IL1RAPL2: variants seen among roughly 807,000 people sequenced by gnomAD.
IL1RAPL2 encodes X-linked interleukin-1 receptor accessory protein-like 2.
IL1RAPL2 carries 3 observed loss-of-function variants against 44.1 expected under a neutral mutation model. The ratio of observed to expected loss-of-function variants is 0.07; its 90% CI spans 0.03 to 0.18. The LOEUF (loss-of-function observed/expected upper bound fraction) is 0.18, where lower values mean the gene tolerates loss of function less well. Ranked by LOEUF, IL1RAPL2 falls within the 10% of genes least tolerant of loss-of-function variation. IL1RAPL2 has a pLI of 1.00. For synonymous variants in IL1RAPL2, 181 were observed against 178.8 expected (o/e 1.01, Z -0.10); for missense variants, 391 against 496.4 (o/e 0.79, Z 2.02).
At chrX:104,578,846 CAAA>C (rs1019308949) in intron 1 of IL1RAPL2, among the ~76,000 whole-genome samples, 7 of 111,024 alleles carry the variant, frequency 6.3e-5, no homozygotes, top group Admixed American at 3.9e-4. Flanking sequence ...GCAGGAAAAA[CAAA>C]AAGTTCAAGA....
chrX:105,035,230 G>A (rs1047447460), intron 2 of IL1RAPL2, among the ~76,000 whole-genome samples: 4 of 111,474 alleles, frequency 3.6e-5, no homozygotes, highest in African/African-American at 9.8e-5. Context: ...GCTCACGCAC[G>A]GTGCACTGCA....
intron 1 of IL1RAPL2, among the ~76,000 whole-genome samples, chrX:104,582,749 C>CTTCTTTCT (rs373027468): frequency 2.2e-4 from 18 of 80,986 alleles, no homozygotes; most frequent in African/African-American, 8.6e-4. Context: ...TCCTTCCTTC[C>CTTCTTTCT]TTCTTTCTTT....
At chrX:105,546,291 G>A (rs1230675382) in intron 6 of IL1RAPL2, among the ~76,000 whole-genome samples, 1 of 111,437 alleles carries the variant, frequency 9.0e-6, no homozygotes, top group African/African-American at 3.3e-5. Flanking sequence ...TCCTTCATTC[G>A]GGTAATTTCT....
At chrX:105,107,992 C>G (rs1054121418) in intron 2 of IL1RAPL2, among the ~76,000 whole-genome samples, 1 of 110,841 alleles carries the variant, frequency 9.0e-6, no homozygotes, top group Non-Finnish European at 1.9e-5. Flanking sequence ...CTTTTTGAGC[C>G]CTTCTTCTAT....
At chrX:105,588,224 A>G (rs1171876275) in intron 6 of IL1RAPL2, among the ~76,000 whole-genome samples, 2 of 110,932 alleles carry the variant, frequency 1.8e-5, no homozygotes, top group Non-Finnish European at 3.8e-5. Context: ...AGTTTCTGCA[A>G]GATGTTACCA....
At chrX:104,862,207 G>C (rs1343119351) in intron 2 of IL1RAPL2, among the ~76,000 whole-genome samples, 7 of 111,102 alleles carry the variant, frequency 6.3e-5, no homozygotes. Flanking sequence ...TCACATTAAA[G>C]ATCTGAACTT....
chrX:105,033,399 G>C (rs1179619897), intron 2 of IL1RAPL2, among the ~76,000 whole-genome samples: 1 of 111,535 alleles, frequency 9.0e-6, no homozygotes, highest in African/African-American at 3.3e-5. Context: ...TCCTTCAGGA[G>C]CTCTTTTAGG....
intron 2 of IL1RAPL2, among the ~76,000 whole-genome samples, chrX:104,675,519 G>T (rs1252673491): frequency 3.6e-5 from 4 of 110,985 alleles, no homozygotes; most frequent in Admixed American, 2.9e-4. Context: ...TTACTTCCAA[G>T]TATGTGGTCA....
intron 2 of IL1RAPL2, among the ~76,000 whole-genome samples, chrX:105,147,172 A>G (rs774740922): frequency 5.4e-5 from 6 of 111,627 alleles, no homozygotes; most frequent in African/African-American, 2.0e-4. Flanking sequence ...AAAACAACTC[A>G]GAGACATAGT....
intron 3 of IL1RAPL2, chrX:105,219,997 G>T: frequency 2.5e-6 from 3 of 1,209,690 alleles, no homozygotes; most frequent in Non-Finnish European, 3.4e-6. Flanking sequence ...CACGAGGCTG[G>T]TCTGGGCCAT....
chrX:105,113,345 C>A (rs758109316), intron 2 of IL1RAPL2, among the ~76,000 whole-genome samples: 1 of 112,530 alleles, frequency 8.9e-6, no homozygotes, highest in South Asian at 3.7e-4. Flanking sequence ...TCTCTGCTCA[C>A]TTCCTGTACT....
chrX:104,610,876 C>T (rs1212851081), intron 1 of IL1RAPL2, among the ~76,000 whole-genome samples: 1 of 111,991 alleles, frequency 8.9e-6, no homozygotes, highest in African/African-American at 3.2e-5. Flanking sequence ...TAACTTCAAA[C>T]TATACTACAA....
intron 2 of IL1RAPL2, among the ~76,000 whole-genome samples, chrX:104,674,971 TATTTG>T (rs1421125847): frequency 9.0e-6 from 1 of 111,504 alleles, no homozygotes; most frequent in Non-Finnish European, 1.9e-5. Flanking sequence ...TTATTGCGTC[TATTTG>T]ATTCTTCTCT....
chrX:104,663,462 C>G (rs1930437258), intron 2 of IL1RAPL2, among the ~76,000 whole-genome samples: 1 of 110,998 alleles, frequency 9.0e-6, no homozygotes, highest in Admixed American at 9.7e-5. Flanking sequence ...GATATTCACA[C>G]TGTGCTTTTA....
At chrX:105,513,454 C>T (rs757537208) in intron 6 of IL1RAPL2, among the ~76,000 whole-genome samples, 4 of 111,480 alleles carry the variant, frequency 3.6e-5, no homozygotes, top group Non-Finnish European at 5.7e-5. Context: ...TTTTAATGAT[C>T]GGCATTCTAA....
intron 1 of IL1RAPL2, among the ~76,000 whole-genome samples, chrX:104,650,676 C>T (rs1930136977): frequency 1.8e-5 from 2 of 111,976 alleles, no homozygotes; most frequent in Non-Finnish European, 3.8e-5. Context: ...TCCCTTAGCA[C>T]TTAACAAATA....
At chrX:104,721,944 C>T (rs1455668523) in intron 2 of IL1RAPL2, among the ~76,000 whole-genome samples, 5 of 111,155 alleles carry the variant, frequency 4.5e-5, no homozygotes, top group Non-Finnish European at 9.4e-5. Flanking sequence ...CCCTTTTGTT[C>T]TTTCTGGACA....
At chrX:105,593,571 G>T (rs1362636566) in intron 6 of IL1RAPL2, among the ~76,000 whole-genome samples, 1 of 111,395 alleles carries the variant, frequency 9.0e-6, no homozygotes, top group African/African-American at 3.3e-5. Flanking sequence ...AATCTTTGAA[G>T]TTGCTGTCCT....
At chrX:104,878,029 ATC>A (rs1378941417) in intron 2 of IL1RAPL2, among the ~76,000 whole-genome samples, 1 of 111,941 alleles carries the variant, frequency 8.9e-6, no homozygotes, top group Non-Finnish European at 1.9e-5. Context: ...TTCCACAGAT[ATC>A]TCTCTGCCAA....
Sources: allele counts gnomAD v4.1 joint callset (sites outside exome capture counted in the v4.1 genomes callset), GRCh38; gene constraint gnomAD v4.1.1; transcripts MANE v1.5; gene names NCBI Gene and HGNC (gene_info 2026-07-23, HGNC 2026-07-21).